Variants in GRM5 observed in about 807,000 individuals in gnomAD.
The protein encoded by GRM5 is glutamate metabotropic receptor 5, also known as metabotropic glutamate receptor 5.
A neutral mutation model predicts 83.1 loss-of-function variants in GRM5; 19 were observed. The ratio of observed to expected loss-of-function variants is 0.23; its 90% CI spans 0.16 to 0.34. The LOEUF is 0.34. GRM5 is among the 10% of genes least tolerant of loss of function. The probability of loss-of-function intolerance (pLI) is 1.00; values close to 1 mark genes in which losing one functional copy is unlikely to be tolerated. For synonymous variants in GRM5, 675 were observed against 633.6 expected, an observed-to-expected ratio of 1.07 and a Z score of -0.98; for missense variants, 1,160 against 1,588.3, an observed-to-expected ratio of 0.73 and a Z score of 4.58.
chr11:89,006,716 A>G (rs1940537354), intron 2 of GRM5, among the ~76,000 whole-genome samples: 5 of 152,052 alleles, frequency 3.3e-5, no homozygotes. Flanking sequence ...TATTTTGCAT[A>G]TTACCTTTAC....
At chr11:88,986,171 G>T (rs1312232934) in intron 2 of GRM5, among the ~76,000 whole-genome samples, 1 of 152,108 alleles carries the variant, frequency 6.6e-6, no homozygotes, top group African/African-American at 2.4e-5. Context: ...TAACAAAAAA[G>T]AACAACCTAT....
intron 2 of GRM5, among the ~76,000 whole-genome samples, chr11:88,868,955 T>C (rs71469218): frequency 1.7e-4 from 26 of 151,864 alleles, no homozygotes; most frequent in South Asian, 6.2e-4. Flanking sequence ...AATCCCACGA[T>C]AGTACCAAAG....
intron 2 of GRM5, among the ~76,000 whole-genome samples, chr11:89,016,202 G>A (rs959172169): frequency 6.7e-6 from 1 of 149,144 alleles, no homozygotes; most frequent in African/African-American, 2.4e-5. Flanking sequence ...TATATGTTAT[G>A]TATTATACAT....
chr11:89,038,013 TC>T (rs1941434048), intron 2 of GRM5, among the ~76,000 whole-genome samples: 1 of 152,196 alleles, frequency 6.6e-6, no homozygotes, highest in Non-Finnish European at 1.5e-5. Flanking sequence ...TATATTTTAC[TC>T]TAGTCTATTT....
At chr11:88,728,751 T>C (rs1477874648) in intron 3 of GRM5, among the ~76,000 whole-genome samples, 1 of 152,114 alleles carries the variant, frequency 6.6e-6, no homozygotes, top group Non-Finnish European at 1.5e-5. Flanking sequence ...ATCCATCACA[T>C]AAACAGAACC....
chr11:88,995,407 T>A (rs1170493636), intron 2 of GRM5, among the ~76,000 whole-genome samples: 1 of 151,540 alleles, frequency 6.6e-6, no homozygotes, highest in Non-Finnish European at 1.5e-5. Context: ...TAGCCGGGCG[T>A]GTTTGCAGGC....
intron 3 of GRM5, among the ~76,000 whole-genome samples, chr11:88,843,460 T>C (rs1222097082): frequency 2.0e-5 from 3 of 152,178 alleles, no homozygotes; most frequent in Non-Finnish European, 4.4e-5. Flanking sequence ...TCACAAACTG[T>C]GCCTATATAA....
rs1235591764 is a variant in GRM5 at position 88,687,523 on chromosome 11, CACAT to C, written c.912-34124_912-34121del. On this transcript the variant is annotated intron_variant, in intron 3 of 9. Transcript: ENST00000305447. ...AAATACACACACACACACACACACACACATACATATATATACACACACACACACA... is the reference window on the plus strand; with the variant it reads ...AAATACACACACACACACACACACACACATATATATACACACACACACACA... 5.2e-3 allele frequency among the ~76,000 whole-genome samples: 157 copies of C among 30,062 alleles called. 12 individuals carry two copies. In the East Asian group the frequency reaches 0.09, roughly 17 times the overall value. The allele number at this position is 30,062 out of a possible 152,430, so 19.7% of individuals were successfully genotyped here.
chr11:88,553,047 A>G (rs553958056), intron 8 of GRM5, among the ~76,000 whole-genome samples: 1 of 152,290 alleles, frequency 6.6e-6, no homozygotes, highest in East Asian at 1.9e-4. Context: ...TGTTTTTTAA[A>G]GTTTTTCACT....
Position 88,733,897 on chromosome 11 carries a change from C to T in GRM5, c.912-80494G>A, listed in dbSNP as rs567227197. On this transcript the variant is annotated intron_variant, in intron 3 of 9. Coordinates refer to ENST00000305447, the MANE Select transcript of GRM5 (RefSeq NM_001143831.3). Reference sequence around the variant, plus strand: ...AAATAGGGAAAAAGAGGGTCTATGACCAATCCCACCCTTACCTTAGAGGTT... The same window carrying T: ...AAATAGGGAAAAAGAGGGTCTATGATCAATCCCACCCTTACCTTAGAGGTT... 2.6e-5 allele frequency among the ~76,000 whole-genome samples: 4 copies of T among 152,008 alleles called. No individual in the cohort carries two copies. The East Asian group carries it at 5.8e-4, about 22-fold the overall frequency.
chr11:88,688,361 A>G (rs371413998), intron 3 of GRM5, among the ~76,000 whole-genome samples: 5 of 152,318 alleles, frequency 3.3e-5, no homozygotes, highest in African/African-American at 1.2e-4. Context: ...GTATCAGAGG[A>G]TATTTACAAC....
chr11:88,570,151 T>G (rs1942957136), intron 7 of GRM5, among the ~76,000 whole-genome samples: 1 of 152,176 alleles, frequency 6.6e-6, no homozygotes, highest in South Asian at 2.1e-4. Context: ...CTATTAGTAC[T>G]ATAATTAAAG....
intron 4 of GRM5, among the ~76,000 whole-genome samples, chr11:88,646,828 G>A (rs1444367121): frequency 6.7e-6 from 1 of 149,468 alleles, no homozygotes; most frequent in Non-Finnish European, 1.5e-5. Flanking sequence ...GGTTCTGACT[G>A]CAAAATTCAG....
At chr11:88,570,805 G>A (rs1445402461) in intron 7 of GRM5, among the ~76,000 whole-genome samples, 1 of 151,206 alleles carries the variant, frequency 6.6e-6, no homozygotes, top group African/African-American at 2.4e-5. Context: ...TGCCCTGAGT[G>A]ATCCACCTTC....
At chr11:88,664,036 C>A (rs1389329794) in intron 3 of GRM5, among the ~76,000 whole-genome samples, 1 of 152,144 alleles carries the variant, frequency 6.6e-6, no homozygotes, top group African/African-American at 2.4e-5. Flanking sequence ...ATTACTGATT[C>A]ATTTAGTAAA....
chr11:88,942,298 T>C (rs1250854037), intron 2 of GRM5, among the ~76,000 whole-genome samples: 1 of 152,028 alleles, frequency 6.6e-6, no homozygotes, highest in Non-Finnish European at 1.5e-5. Flanking sequence ...GAGGGAAGTG[T>C]GTGGTAAGAT....
At chr11:88,884,807 A>G (rs1398724495) in intron 2 of GRM5, among the ~76,000 whole-genome samples, 3 of 152,160 alleles carry the variant, frequency 2.0e-5, no homozygotes, top group Non-Finnish European at 4.4e-5. Context: ...GCCTGCTGCC[A>G]CATAAGACAT....
At chr11:88,885,960 G>C (rs1257642649) in intron 2 of GRM5, among the ~76,000 whole-genome samples, 1 of 152,138 alleles carries the variant, frequency 6.6e-6, no homozygotes, top group African/African-American at 2.4e-5. Context: ...AGACGAGATG[G>C]TGCCGATCAA....
At chr11:88,513,403 G>A (rs886717006) in intron 9 of GRM5, among the ~76,000 whole-genome samples, 93 of 152,194 alleles carry the variant, frequency 6.1e-4, no homozygotes, top group African/African-American at 2.1e-3. Flanking sequence ...TTAGAATTAA[G>A]TTTTTAAAAT....
Sources: allele counts gnomAD v4.1 joint callset (sites outside exome capture counted in the v4.1 genomes callset), GRCh38; gene constraint gnomAD v4.1.1; transcripts MANE v1.5; gene names NCBI Gene and HGNC (gene_info 2026-07-23, HGNC 2026-07-21).